Variants in MAGI2 observed in about 807,000 individuals in gnomAD.
The protein encoded by MAGI2 is membrane associated guanylate kinase, WW and PDZ domain containing 2.
In MAGI2, 35 loss-of-function variants were observed where a neutral mutation model predicts 133.3. That is an observed-to-expected ratio of 0.26 (90% CI 0.20 to 0.35). The LOEUF is 0.35. Among genes scored for constraint, MAGI2 ranks in the 10% least tolerant of loss-of-function variants. MAGI2 has a pLI of 1.00. For synonymous variants in MAGI2, 729 were observed against 710.6 expected (o/e 1.03, Z -0.41); for missense variants, 1,636 against 1,863.4 (o/e 0.88, Z 2.25).
intron 1 of MAGI2, among the ~76,000 whole-genome samples, chr7:79,100,233 A>G (rs28576890): frequency 0.041 from 6,298 of 152,184 alleles, 412 homozygotes; most frequent in African/African-American, 0.14. Flanking sequence ...GGTCAAAGAC[A>G]ATGCAAAATC....
intron 6 of MAGI2, among the ~76,000 whole-genome samples, chr7:78,421,278 T>G (rs2215379): frequency 6.6e-6 from 1 of 151,978 alleles, no homozygotes; most frequent in African/African-American, 2.4e-5. Flanking sequence ...AACACCTTTA[T>G]GTAACTCACT....
At chr7:78,709,770 G>T (rs1818993832) in intron 2 of MAGI2, among the ~76,000 whole-genome samples, 1 of 152,106 alleles carries the variant, frequency 6.6e-6, no homozygotes, top group African/African-American at 2.4e-5. Context: ...ATATCTCTTA[G>T]TATCTTCTAT....
intron 3 of MAGI2, among the ~76,000 whole-genome samples, chr7:78,584,292 C>T (rs779737774): frequency 9.2e-5 from 14 of 151,896 alleles, no homozygotes; most frequent in Admixed American, 2.0e-4. Context: ...TGGTGGCAGT[C>T]GCCTGTAATC....
chr7:78,364,404 A>G (rs1187754674), intron 7 of MAGI2, among the ~76,000 whole-genome samples: 1 of 152,184 alleles, frequency 6.6e-6, no homozygotes, highest in African/African-American at 2.4e-5. Flanking sequence ...ATGGATACTC[A>G]CCACTAACCA....
chr7:78,629,577 A>G (rs1390447514), intron 2 of MAGI2, among the ~76,000 whole-genome samples: 2 of 152,036 alleles, frequency 1.3e-5, no homozygotes, highest in East Asian at 3.9e-4. Flanking sequence ...ATTAACCCCC[A>G]TGTTCACTGT....
intron 2 of MAGI2, among the ~76,000 whole-genome samples, chr7:78,658,571 C>A (rs1029938834): frequency 2.0e-5 from 3 of 152,140 alleles, no homozygotes; most frequent in African/African-American, 7.2e-5. Flanking sequence ...CATATCACCA[C>A]ATATCTGACA....
intron 9 of MAGI2, among the ~76,000 whole-genome samples, chr7:78,322,754 TA>T (rs1264419423): frequency 6.6e-6 from 1 of 151,714 alleles, no homozygotes; most frequent in Non-Finnish European, 1.5e-5. Context: ...GAATTTAATG[TA>T]TAAAAAAAAA....
At chr7:78,449,768 A>G (rs562383413) in intron 6 of MAGI2, among the ~76,000 whole-genome samples, 1 of 152,190 alleles carries the variant, frequency 6.6e-6, no homozygotes, top group Admixed American at 6.5e-5. Flanking sequence ...AATTGGTAAG[A>G]GTTTGGTATA....
chr7:79,219,526 G>GT (rs1830280007), intron 1 of MAGI2, among the ~76,000 whole-genome samples: 1 of 152,004 alleles, frequency 6.6e-6, no homozygotes, highest in Non-Finnish European at 1.5e-5. Context: ...AAAGTGGCCA[G>GT]TTTGTCCTTG....
At position 78,083,387 on chromosome 7, in the gene MAGI2, G is replaced by GGAGAGAGAGAGAGA. The variant is rs747230358; in HGVS notation, c.3568-4316_3568-4303dup. On this transcript the variant is annotated intron_variant, in intron 20 of 21. Transcript: ENST00000354212. ...GGGGGCGGGGGAGGGAGGGAGGGGG[G>GGAGAGAGAGAGAGA]GAGAGAGAGAGAGAGAGAGAGAGAG... is the stretch of plus-strand genomic sequence containing the variant. 3.5e-3 allele frequency among the ~76,000 whole-genome samples: 116 copies of GGAGAGAGAGAGAGA among 33,270 alleles called. 4 individuals carry two copies. Among genetic ancestry groups the GGAGAGAGAGAGAGA allele is most frequent in the South Asian group, 0.011 (6 of 532 alleles). The allele number at this position is 33,270 out of a possible 152,430, so 21.8% of individuals were successfully genotyped here.
chr7:78,524,216 C>G lies in MAGI2; in HGVS notation c.539-2571G>C, dbSNP rs550115087. Among the ~76,000 whole-genome samples the G allele has an allele frequency of 2.8e-3, 431 of 152,234 alleles. 2 individuals are homozygous for G. The highest frequency in any genetic ancestry group is 0.01 in the African/African-American group (419 of 41,542). The stretch of plus-strand genomic sequence containing the variant: ...TCCACTGATTTTATCTCAGGGGCCT[C>G]CCCGGGTAGAAAGAGCCTCTCCCTG... On this transcript the variant is annotated intron_variant, in intron 3 of 21. Transcript: ENST00000354212.
Position 78,673,364 on chromosome 7 carries a change from A to G in MAGI2, c.419-46125T>C, listed in dbSNP as rs146822807. Among the ~76,000 whole-genome samples the G allele has an allele frequency of 6.8e-3, 1,031 of 152,062 alleles. 25 individuals carry two copies. Among genetic ancestry groups the G allele is most frequent in the Admixed American group, 0.059 (899 of 15,256 alleles). On this transcript the variant is annotated intron_variant, in intron 2 of 21. Transcript: ENST00000354212. ...TTGTTATAAGGAATTGGCTCACACA[A>G]TTATGAAGGTTGAGAGGTCTCAAGA... is the stretch of plus-strand genomic sequence containing the variant.
intron 10 of MAGI2, among the ~76,000 whole-genome samples, chr7:78,240,046 C>T (rs1319879291): frequency 6.6e-6 from 1 of 151,466 alleles, no homozygotes; most frequent in Non-Finnish European, 1.5e-5. Context: ...AGGTTTGTTA[C>T]ATAGGTGTAC....
chr7:78,720,479 C>G (rs1177695499), intron 2 of MAGI2, among the ~76,000 whole-genome samples: 1 of 151,948 alleles, frequency 6.6e-6, no homozygotes, highest in African/African-American at 2.4e-5. Context: ...GGTCTAAAAT[C>G]AGTCATCTTA....
intron 15 of MAGI2, among the ~76,000 whole-genome samples, chr7:78,165,762 C>T (rs4730090): frequency 0.11 from 16,576 of 152,146 alleles, 915 homozygotes; most frequent in East Asian, 0.17. Context: ...AATAACAAAA[C>T]GACAATGACA....
intron 1 of MAGI2, among the ~76,000 whole-genome samples, chr7:79,164,466 G>A (rs181356268): frequency 1.3e-5 from 2 of 151,474 alleles, no homozygotes; most frequent in East Asian, 3.9e-4. Context: ...TTTTTTCCAG[G>A]CCCTCCCAAT....
At chr7:78,934,412 T>A (rs936131926) in intron 2 of MAGI2, among the ~76,000 whole-genome samples, 1 of 152,116 alleles carries the variant, frequency 6.6e-6, no homozygotes, top group Non-Finnish European at 1.5e-5. Flanking sequence ...CCAGAACACA[T>A]TTTTTTCCAC....
intron 1 of MAGI2, among the ~76,000 whole-genome samples, chr7:79,093,120 C>T (rs1817208137): frequency 6.6e-6 from 1 of 151,490 alleles, no homozygotes; most frequent in South Asian, 2.1e-4. Context: ...CCTGTTCCTT[C>T]AATGGCTTAT....
chr7:78,353,977 G>C (rs1791797554), intron 7 of MAGI2, among the ~76,000 whole-genome samples: 1 of 152,122 alleles, frequency 6.6e-6, no homozygotes, highest in East Asian at 1.9e-4. Context: ...CTCCATCTTG[G>C]ATGATGTACC....
Sources: allele counts gnomAD v4.1 joint callset (sites outside exome capture counted in the v4.1 genomes callset), GRCh38; gene constraint gnomAD v4.1.1; transcripts MANE v1.5; gene names NCBI Gene and HGNC (gene_info 2026-07-23, HGNC 2026-07-21).